POU4F2: variants seen among roughly 807,000 people sequenced by gnomAD.
The protein encoded by POU4F2 is POU domain, class 4, transcription factor 2.
Under a neutral mutation model 21.5 loss-of-function variants are expected in POU4F2, and 10 were observed. That is an observed-to-expected ratio of 0.46 (90% CI 0.29 to 0.79). POU4F2 has a LOEUF of 0.79. Among genes scored for constraint, POU4F2 ranks in the 30% least tolerant of loss-of-function variants. The pLI is 0.10. For synonymous variants in POU4F2, 324 were observed against 271.1 expected (o/e 1.20, Z -1.92); for missense variants, 623 against 603.3 (o/e 1.03, Z -0.34).
At position 146,640,948 on chromosome 4, in the gene POU4F2, G is replaced by T. The variant is rs537768855; in HGVS notation, c.*140G>T. 1,893 of 875,774 alleles carry T rather than the reference G, an allele frequency of 2.2e-3. 3 individuals are homozygous for T. Among genetic ancestry groups the T allele is most frequent in the Non-Finnish European group, 2.9e-3 (1,746 of 603,998 alleles). 54.3% of individuals were successfully genotyped at this position (875,774 alleles called of 1,614,324 possible). A position where few individuals can be genotyped will look rare whatever the true frequency, so the allele number is the denominator to read the frequency against. ...ACAAATCGAGGACTGAAGAGGGAGC[G>T]AACGAGCGAACAACTGAGCCCAAGC... is the stretch of plus-strand genomic sequence containing the variant. On this transcript the variant is annotated 3_prime_UTR_variant, in exon 2 of 2. Coordinates refer to ENST00000281321, the MANE Select transcript of POU4F2 (RefSeq NM_004575.3). The surrounding 1 kb of genome is among the most constrained non-coding windows in gnomAD (Gnocchi z 4.8).
At position 146,639,918 on chromosome 4, in the gene POU4F2, C is replaced by G. The variant is rs770183243; in HGVS notation, c.340C>G (p.Leu114Val). ...GAGTCTGCTGGCCCGCGCCGAGGCT[C>G]TGGCAGCCGTGGACATCGTCTCCCA... ...DESLLARAEALAAVDIVSQSK... is the reference protein window; with the variant it reads ...DESLLARAEAVAAVDIVSQSK... Residue 114 changes from leucine (L) to valine (V), a missense_variant, in exon 2 of 2, where the codon CTG becomes GTG. Leu to Val is a conservative substitution (Grantham distance 32). Around this residue, in one of 3 missense-constraint regions of POU4F2, gnomAD observed 523 missense variants for 504.1 expected, o/e 1.04. Transcript: ENST00000281321. 5.7e-6 allele frequency: 9 copies of G among 1,585,324 alleles called. No individual in the cohort carries two copies. The Admixed American group carries it at 1.4e-4, about 24-fold the overall frequency.
Position 146,640,226 on chromosome 4 carries a change from G to A in POU4F2, c.648G>A (p.Pro216=). 6.3e-7 allele frequency: 1 copy of A among 1,577,248 alleles called. No individual in the cohort carries two copies. The highest frequency in any genetic ancestry group is 8.6e-7 in the Non-Finnish European group (1 of 1,167,790). Residue 216 remains proline (P), a synonymous_variant, in exon 2 of 2, where the codon CCG becomes CCA. Coordinates refer to ENST00000281321, the MANE Select transcript of POU4F2 (RefSeq NM_004575.3). This position sits in a 1 kb window ranked among gnomAD's most constrained non-coding sequence, Gnocchi z 4.8. Reference sequence around the variant, plus strand: ...CCGACGGCGCTGTGGTGTCCACGCCGGCTCACGCGCCGCACATGGCCACCA... The same window carrying A: ...CCGACGGCGCTGTGGTGTCCACGCCAGCTCACGCGCCGCACATGGCCACCA... ...AGPDGAVVST[P]AHAPHMATMN...
rs1404332517 is a variant in POU4F2, at chr4:146,638,909, G to A, written c.-232G>A. ...AGCGGGGGCAGTTTCGGGTGCCGAG[G>A]TCTGCAGCTAGCGGCAAGCGGAGTC... On this transcript the variant is annotated 5_prime_UTR_variant, in exon 1 of 2. Coordinates refer to ENST00000281321, the MANE Select transcript of POU4F2 (RefSeq NM_004575.3). 3 of 557,314 alleles carry A rather than the reference G, an allele frequency of 5.4e-6. No homozygotes were observed. The highest frequency in any genetic ancestry group is 9.1e-6 in the Non-Finnish European group (3 of 330,746). The allele number at this position is 557,314 out of a possible 1,614,324, so 34.5% of individuals were successfully genotyped here.
rs1740812653 is a variant in POU4F2 at position 146,639,059 on chromosome 4, G to A, written c.-82G>A. The A allele has an allele frequency of 6.6e-7, 1 of 1,525,236 alleles. No individual in the cohort carries two copies. The highest frequency in any genetic ancestry group is 8.7e-7 in the Non-Finnish European group (1 of 1,142,896). The allele number at this position is 1,525,236 out of a possible 1,614,324, so 94.5% of individuals were successfully genotyped here. Reference sequence around the variant, plus strand: ...ACAGCCCTTCCCAGCTCCAGCCCCGGCTGGCCCGGCACTTCTCGGAGGGTC... The same window carrying A: ...ACAGCCCTTCCCAGCTCCAGCCCCGACTGGCCCGGCACTTCTCGGAGGGTC... On this transcript the variant is annotated 5_prime_UTR_variant, in exon 1 of 2. Coordinates refer to ENST00000281321, the MANE Select transcript of POU4F2 (RefSeq NM_004575.3).
chr4:146,639,314 C>CGGT lies in POU4F2; in HGVS notation c.176_177insTGG (p.Gly68dup), dbSNP rs772231658. On this transcript the variant is annotated inframe_insertion, in exon 1 of 2. Coordinates refer to ENST00000281321, the MANE Select transcript of POU4F2 (RefSeq NM_004575.3). Reference sequence around the variant, plus strand: ...CGAGCAACGCTGGTGGTGGCGGCGGCGGCGGCGGCGGCGGCGGCGGCGGCG... The same window carrying CGGT: ...CGAGCAACGCTGGTGGTGGCGGCGGCGGTGGCGGCGGCGGCGGCGGCGGCGGCG... 2 of 1,138,040 alleles carry CGGT rather than the reference C, an allele frequency of 1.8e-6. No individual in the cohort carries two copies. The highest frequency in any genetic ancestry group is 3.8e-5 in the Admixed American group (1 of 26,606). 70.5% of individuals were successfully genotyped at this position (1,138,040 alleles called of 1,614,324 possible).
intron 1 of POU4F2, 94 bp from the exon 2 acceptor site, chr4:146,639,773 C>A: frequency 8.0e-7 from 1 of 1,242,642 alleles, no homozygotes; most frequent in Non-Finnish European, 1.1e-6. Flanking sequence ...GTTGTAGGCG[C>A]GGCGACGGTG....
Position 146,639,023 on chromosome 4 carries a change from C to G in POU4F2, c.-118C>G. The G allele has an allele frequency of 4.1e-6, 5 of 1,234,312 alleles. No homozygotes were observed. The highest frequency in any genetic ancestry group is 5.5e-6 in the Non-Finnish European group (5 of 915,628). 76.5% of individuals were successfully genotyped at this position (1,234,312 alleles called of 1,614,324 possible). A position where few individuals can be genotyped will look rare whatever the true frequency, so the allele number is the denominator to read the frequency against. ...GAGTCCGGAGGCGGCGGCGGGTGAG[C>G]TCAACTTCGCACAGCCCTTCCCAGC... On this transcript the variant is annotated 5_prime_UTR_variant, in exon 1 of 2. Coordinates refer to ENST00000281321, the MANE Select transcript of POU4F2 (RefSeq NM_004575.3).
Position 146,639,416 on chromosome 4 carries a change from T to TC in POU4F2, c.278dup (p.Thr94AsnfsTer12). On this transcript the variant is annotated frameshift_variant, in exon 1 of 2. Transcript: ENST00000281321. LOFTEE classifies it high-confidence loss of function. ...CGGAGGCTATGCGGAGAGCCTGTCT[T>TC]CCAACCCCACCGGTGCGTATTTCTG... 1 of 1,463,848 alleles carries TC rather than the reference T, an allele frequency of 6.8e-7. No individual in the cohort carries two copies. Among genetic ancestry groups the TC allele is most frequent in the South Asian group, 1.5e-5 (1 of 64,616 alleles). The allele number at this position is 1,463,848 out of a possible 1,614,324, so 90.7% of individuals were successfully genotyped here. A position where few individuals can be genotyped will look rare whatever the true frequency, so the allele number is the denominator to read the frequency against.
At position 146,639,878 on chromosome 4, in the gene POU4F2, C is replaced by T. The variant is rs756948351; in HGVS notation, c.300C>T (p.Phe100=). The T allele has an allele frequency of 6.5e-7, 1 of 1,543,150 alleles. No individual in the cohort carries two copies. ...ACTTACAATTGCAGAGCAATATATT[C>T]GGCGGGCTGGATGAGAGTCTGCTGG... ...ACLPTPPSNI[F]GGLDESLLAR... Residue 100 remains phenylalanine, a synonymous_variant, in exon 2 of 2, where the codon TTC becomes TTT. Coordinates refer to ENST00000281321, the MANE Select transcript of POU4F2 (RefSeq NM_004575.3).
rs1189798269 is a variant in POU4F2 at position 146,641,894 on chromosome 4, G to A, written c.*1086G>A. ...ACACACACACACACCTCTAACAGAA[G>A]GGAAGAAGCAGTTGGAAGCATGACC... On this transcript the variant is annotated 3_prime_UTR_variant, in exon 2 of 2. Transcript: ENST00000281321. 1 of 150,140 alleles carries A rather than the reference G, an allele frequency of 6.7e-6. No individual in the cohort carries two copies. Among genetic ancestry groups the A allele is most frequent in the Non-Finnish European group, 1.5e-5 (1 of 67,602 alleles). 9.3% of individuals were successfully genotyped at this position (150,140 alleles called of 1,614,324 possible).
chr4:146,642,282 A>G lies in POU4F2; in HGVS notation c.*1474A>G. ...ATTGCTGTTCTCTTTGAGGCTCTCCAAAGTCTTGAGTTCTGTATATGGCCT... is the reference window on the plus strand; with the variant it reads ...ATTGCTGTTCTCTTTGAGGCTCTCCGAAGTCTTGAGTTCTGTATATGGCCT... On this transcript the variant is annotated 3_prime_UTR_variant, in exon 2 of 2. Coordinates refer to ENST00000281321, the MANE Select transcript of POU4F2 (RefSeq NM_004575.3). The G allele has an allele frequency of 6.6e-6, 1 of 152,336 alleles. No individual in the cohort carries two copies. The allele number at this position is 152,336 out of a possible 1,614,324, so 9.4% of individuals were successfully genotyped here. A position where few individuals can be genotyped will look rare whatever the true frequency, so the allele number is the denominator to read the frequency against.
Position 146,640,924 on chromosome 4 carries a change from C to T in POU4F2, c.*116C>T. ...CAATTCCAGTAAATGTGAATCTCGA[C>T]AAATCGAGGACTGAAGAGGGAGCGA... On this transcript the variant is annotated 3_prime_UTR_variant, in exon 2 of 2. Coordinates refer to ENST00000281321, the MANE Select transcript of POU4F2 (RefSeq NM_004575.3). This position sits in a 1 kb window ranked among gnomAD's most constrained non-coding sequence, Gnocchi z 4.8. 8.6e-7 allele frequency: 1 copy of T among 1,163,202 alleles called. No homozygotes were observed. Among genetic ancestry groups the T allele is most frequent in the Middle Eastern group, 2.9e-4 (1 of 3,404 alleles). The allele number at this position is 1,163,202 out of a possible 1,614,324, so 72.1% of individuals were successfully genotyped here.
At position 146,640,191 on chromosome 4, in the gene POU4F2, A is replaced by T; in HGVS notation, c.613A>T (p.Met205Leu). 6.3e-7 allele frequency: 1 copy of T among 1,584,042 alleles called. No homozygotes were observed. The highest frequency in any genetic ancestry group is 1.1e-5 in the South Asian group (1 of 89,146). ...GAGTCCCGGGCTGGCCCTGGGCGCT[A>T]TGGCGGGCCCCGACGGCGCTGTGGT... ...HLSPGLALGA[M>L]AGPDGAVVST... Residue 205 changes from methionine to leucine, a missense_variant, in exon 2 of 2, where the codon ATG (methionine) becomes TTG (leucine). Coordinates refer to ENST00000281321, the MANE Select transcript of POU4F2 (RefSeq NM_004575.3). The surrounding 1 kb of genome is among the most constrained non-coding windows in gnomAD (Gnocchi z 4.8).
rs7669891 is a variant in POU4F2, at chr4:146,641,753, C to T, written c.*945C>T. On this transcript the variant is annotated 3_prime_UTR_variant, in exon 2 of 2. Coordinates refer to ENST00000281321, the MANE Select transcript of POU4F2 (RefSeq NM_004575.3). ...GACACTCAGTAATGGATGTCTTAATCGTGTAGACCTGATTCACTGTCTGAA... is the reference window on the plus strand; with the variant it reads ...GACACTCAGTAATGGATGTCTTAATTGTGTAGACCTGATTCACTGTCTGAA... 0.018 allele frequency: 2,802 copies of T among 152,510 alleles called. 64 individuals carry two copies. The highest frequency in any genetic ancestry group is 0.024 in the Non-Finnish European group (1,606 of 68,002). 9.4% of individuals were successfully genotyped at this position (152,510 alleles called of 1,614,324 possible).
rs772102156 is a variant in POU4F2, at chr4:146,640,798, C to T, written c.1220C>T (p.Ala407Val). The stretch of plus-strand genomic sequence containing the variant: ...AAACAGAAAAGAATGAAATATTCCG[C>T]CGGCATTTAGAAGACTCTTGGCCTC... ...RQKQKRMKYS[A>V]GI Residue 407 changes from alanine to valine, a missense_variant, in exon 2 of 2, where the codon GCC becomes GTC. Ala to Val is a moderately conservative substitution (Grantham distance 64). Around this residue, in one of 3 missense-constraint regions of POU4F2, gnomAD observed 523 missense variants for 504.1 expected, o/e 1.04. Transcript: ENST00000281321. The surrounding 1 kb of genome is among the most constrained non-coding windows in gnomAD (Gnocchi z 4.8). 6 of 1,603,694 alleles carry T rather than the reference C, an allele frequency of 3.7e-6. No homozygotes were observed. Among genetic ancestry groups the T allele is most frequent in the Admixed American group, 3.4e-5 (2 of 58,246 alleles).
intron 1 of POU4F2, 126 bp from the exon 2 acceptor site, chr4:146,639,741 A>G (rs1740836578): frequency 3.0e-6 from 3 of 1,003,428 alleles, no homozygotes; most frequent in East Asian, 2.9e-5. Context: ...TATTATTATT[A>G]TTATTTTAAC....
Position 146,639,130 on chromosome 4 carries a change from C to A in POU4F2, c.-11C>A, listed in dbSNP as rs539481195. 1.9e-5 allele frequency: 30 copies of A among 1,600,292 alleles called. No individual in the cohort carries two copies. Among genetic ancestry groups the A allele is most frequent in the Non-Finnish European group, 2.4e-5 (28 of 1,174,484 alleles). On this transcript the variant is annotated 5_prime_UTR_variant, in exon 1 of 2. Transcript: ENST00000281321. Reference sequence around the variant, plus strand: ...GTGCCTCTACGGACCAGCGCCCCGGCGGGCGGGAAGATGATGATGATGTCC... The same window carrying A: ...GTGCCTCTACGGACCAGCGCCCCGGAGGGCGGGAAGATGATGATGATGTCC...
Position 146,639,905 on chromosome 4 carries a change from C to T in POU4F2, c.327C>T (p.Ala109=), listed in dbSNP as rs747487311. Residue 109 remains alanine, a synonymous_variant, in exon 2 of 2, where the codon GCC becomes GCT. Coordinates refer to ENST00000281321, the MANE Select transcript of POU4F2 (RefSeq NM_004575.3). The part of the protein sequence containing the change: ...IFGGLDESLL[A]RAEALAAVDI... ...GCGGGCTGGATGAGAGTCTGCTGGC[C>T]CGCGCCGAGGCTCTGGCAGCCGTGG... The T allele has an allele frequency of 6.4e-7, 1 of 1,573,002 alleles. No individual in the cohort carries two copies.
chr4:146,639,728 G>GATT (rs777576713), intron 1 of POU4F2, 139 bp from the exon 2 acceptor site: 63 of 988,510 alleles, frequency 6.4e-5, no homozygotes, highest in African/African-American at 1.9e-4. Context: ...CTGTTTTCAG[G>GATT]ATTATTATTA....
Sources: allele counts gnomAD v4.1 joint callset, GRCh38; gene constraint gnomAD v4.1.1; regional missense constraint gnomAD v4.1.1; non-coding constraint Gnocchi (gnomAD v3.1); transcripts MANE v1.5; gene names NCBI Gene and HGNC (gene_info 2026-07-23, HGNC 2026-07-21).